Variants in RNF32 observed in about 807,000 individuals in gnomAD.
RNF32 encodes ring finger protein 32.
RNF32 carries 36 observed loss-of-function variants against 41.0 expected under a neutral mutation model. The ratio of observed to expected loss-of-function variants is 0.88; its 90% CI spans 0.67 to 1.16. The LOEUF (loss-of-function observed/expected upper bound fraction) is 1.16, where lower values mean the gene tolerates loss of function less well. Ranked by LOEUF, RNF32 falls within the 50% of genes most tolerant of loss-of-function variation. RNF32 has a pLI of 0.00. For missense variants in RNF32, 413 were observed against 436.7 expected (o/e 0.95, Z 0.48); for synonymous variants, 154 against 160.9 (o/e 0.96, Z 0.32).
At chr7:156,644,900 T>C (rs958572196) in intron 3 of RNF32, 143 bp downstream of exon 3, 3 of 809,022 alleles carry the variant, frequency 3.7e-6, no homozygotes, top group East Asian at 5.9e-5. Flanking sequence ...TATGTATGTA[T>C]TGAAGTTTAA....
chr7:156,653,880 G>C (rs1283127941), intron 3 of RNF32, among the ~76,000 whole-genome samples: 1 of 152,220 alleles, frequency 6.6e-6, no homozygotes, highest in Non-Finnish European at 1.5e-5. Context: ...AGGTGAGCTG[G>C]GAGAGGCAGT....
chr7:156,658,091 T>C (rs778711687), intron 5 of RNF32, 37 bp from the exon 6 acceptor site: 1 of 1,595,756 alleles, frequency 6.3e-7, no homozygotes, highest in East Asian at 2.2e-5. Flanking sequence ...TTATAAGTAA[T>C]TACTTGTAAA....
At chr7:156,646,343 G>C in intron 3 of RNF32, 1 of 1,104,378 alleles carries the variant, frequency 9.1e-7, no homozygotes, top group Non-Finnish European at 1.2e-6. Flanking sequence ...TTTCCCTGGT[G>C]GTTCCTGGCA....
intron 3 of RNF32, among the ~76,000 whole-genome samples, chr7:156,652,952 G>C (rs1798960657): frequency 6.6e-6 from 1 of 151,986 alleles, no homozygotes; most frequent in Admixed American, 6.6e-5. Flanking sequence ...AGTTTAGAGA[G>C]TAAAAAAGTT....
chr7:156,642,363 T>C (rs183432356), intron 1 of RNF32, among the ~76,000 whole-genome samples: 52 of 152,284 alleles, frequency 3.4e-4, no homozygotes, highest in African/African-American at 1.0e-3. Context: ...TTAAGAAATA[T>C]CATTACCCAA....
At chr7:156,671,488 A>G (rs527359738) in intron 7 of RNF32, among the ~76,000 whole-genome samples, 1 of 152,378 alleles carries the variant, frequency 6.6e-6, no homozygotes, top group East Asian at 1.9e-4. Context: ...ACGGCAGCAC[A>G]TATTTTCTTT....
rs1003956407 is a variant in RNF32 at position 156,669,552 on chromosome 7, C to T, written c.685-6144C>T. Among the ~76,000 whole-genome samples the T allele has an allele frequency of 6.6e-6, 1 of 152,136 alleles. No homozygotes were observed. Among genetic ancestry groups the T allele is most frequent in the Admixed American group, 6.5e-5 (1 of 15,276 alleles). On this transcript the variant is annotated intron_variant, in intron 7 of 8. Transcript: ENST00000317955. The surrounding 1 kb of genome is among the most constrained non-coding windows in gnomAD (Gnocchi z 4.2). ...AGTGTGAGCCGCTGGGCACAGGTGA[C>T]CCTTCCAGGACCCAGACCCCTGTGA... is the stretch of plus-strand genomic sequence containing the variant.
intron 7 of RNF32, chr7:156,659,390 G>A (rs946440539): frequency 5.6e-5 from 55 of 985,746 alleles, no homozygotes; most frequent in Non-Finnish European, 6.1e-5. Flanking sequence ...GAGATCATTC[G>A]TCTCGGGTGT....
chr7:156,664,724 T>C (rs1261658954), intron 7 of RNF32, among the ~76,000 whole-genome samples: 1 of 152,184 alleles, frequency 6.6e-6, no homozygotes, highest in Non-Finnish European at 1.5e-5. Flanking sequence ...ACGGACCCTA[T>C]CTTAGTAAAG....
Position 156,644,505 on chromosome 7 carries a change from T to A in RNF32, c.22T>A (p.Ser8Thr), listed in dbSNP as rs745837326. The change falls in exon 3 of 9, where the codon TCA (serine) becomes ACA (threonine). Residue 8 changes from serine (S) to threonine (T), a missense_variant. Coordinates refer to ENST00000317955, the MANE Select transcript of RNF32 (RefSeq NM_030936.4). ...CTTTTTTCCTACTTTTTAGGGTCACTCATCTAAGAAAGATAACTTGGCAGT... is the reference window on the plus strand; with the variant it reads ...CTTTTTTCCTACTTTTTAGGGTCACACATCTAAGAAAGATAACTTGGCAGT... MLKNKGHSSKKDNLAVNA... is the reference protein window; with the variant it reads MLKNKGHTSKKDNLAVNA... 2 of 1,608,712 alleles carry A rather than the reference T, an allele frequency of 1.2e-6. No individual in the cohort carries two copies. Among genetic ancestry groups the A allele is most frequent in the Non-Finnish European group, 1.7e-6 (2 of 1,177,556 alleles).
rs73503401 is a variant in RNF32, at chr7:156,653,476, G to A, written c.275-1100G>A. ...TTTCTCTTCCAGCCTTTCAGTGGACGTTCACATTTCTACTCTAAAAGCCCA... is the reference window on the plus strand; with the variant it reads ...TTTCTCTTCCAGCCTTTCAGTGGACATTCACATTTCTACTCTAAAAGCCCA... On this transcript the variant is annotated intron_variant, in intron 3 of 8. Coordinates refer to ENST00000317955, the MANE Select transcript of RNF32 (RefSeq NM_030936.4). Among the ~76,000 whole-genome samples, 452 of 152,284 alleles carry A rather than the reference G, an allele frequency of 3.0e-3. 3 individuals carry two copies. The highest frequency in any genetic ancestry group is 0.01 in the African/African-American group (434 of 41,546).
intron 3 of RNF32, among the ~76,000 whole-genome samples, chr7:156,647,218 A>G (rs190600344): frequency 1.3e-5 from 2 of 151,808 alleles, no homozygotes; most frequent in East Asian, 1.9e-4. Flanking sequence ...TTTTATTTCA[A>G]TAGCTTTTGT....
chr7:156,646,377 C>T (rs1797976020), intron 3 of RNF32: 1 of 1,289,134 alleles, frequency 7.8e-7, no homozygotes, highest in East Asian at 5.6e-5. Context: ...GGCAGCGTCA[C>T]TCCAATCTCT....
In RNF32 at chr7:156,658,809, C is replaced by T; in HGVS notation, c.684+239C>T. ...ATCATAAAATTAGGTTAAATCAAAGCAACTTCTGTTTGGCCATTTTGTGCT... is the reference window on the plus strand; with the variant it reads ...ATCATAAAATTAGGTTAAATCAAAGTAACTTCTGTTTGGCCATTTTGTGCT... On this transcript the variant is annotated intron_variant, in intron 7 of 8. Transcript: ENST00000317955. 6 of 1,168,472 alleles carry T rather than the reference C, an allele frequency of 5.1e-6. No homozygotes were observed. 72.4% of individuals were successfully genotyped at this position (1,168,472 alleles called of 1,614,324 possible).
chr7:156,649,393 TCTTTTTTTTCCCTG>T, intron 3 of RNF32, among the ~76,000 whole-genome samples: 1 of 152,096 alleles, frequency 6.6e-6, no homozygotes, highest in Non-Finnish European at 1.5e-5. Flanking sequence ...TTATGCCCCT[TCTTTTTTTTCCCTG>T]CTTTTTTTTT....
intron 7 of RNF32, among the ~76,000 whole-genome samples, chr7:156,675,288 G>A (rs557620656): frequency 6.6e-6 from 1 of 152,344 alleles, no homozygotes; most frequent in Admixed American, 6.5e-5. Context: ...CCTGTGTGCT[G>A]TCTCCTCCCG....
rs34819142 is a variant in RNF32 at position 156,676,479 on chromosome 7, G to A, written c.913G>A (p.Gly305Ser). 1,051 of 1,614,002 alleles carry A rather than the reference G, an allele frequency of 6.5e-4. 6 individuals are homozygous for A. Among genetic ancestry groups the A allele is most frequent in the African/African-American group, 5.8e-3 (437 of 75,042 alleles). The change falls in exon 9 of 9, where the codon GGT (glycine) becomes AGT (serine). Residue 305 changes from glycine (G) to serine (S), a missense_variant. Coordinates refer to ENST00000317955, the MANE Select transcript of RNF32 (RefSeq NM_030936.4). The stretch of plus-strand genomic sequence containing the variant: ...CCTGGCCCCTCTCTCCGCTGCTGGC[G>A]GTCAGCGCGTGGGTGCAGGCAGGCG... ...ICLAPLSAAG[G>S]QRVGAGRRSR...
intron 7 of RNF32, 61 bp downstream of exon 7, chr7:156,658,631 C>A: frequency 1.8e-6 from 2 of 1,115,006 alleles, no homozygotes; most frequent in Non-Finnish European, 2.7e-6. Flanking sequence ...CACTTGGGGT[C>A]AGGAAGGCTA....
intron 7 of RNF32, among the ~76,000 whole-genome samples, chr7:156,662,132 T>C (rs1372408819): frequency 6.6e-6 from 1 of 152,226 alleles, no homozygotes; most frequent in Non-Finnish European, 1.5e-5. Flanking sequence ...TAGGTGCCTA[T>C]ATGGGTCCAT....
Sources: gnomAD v4.1 joint callset for allele counts (sites outside exome capture counted in the v4.1 genomes callset) on GRCh38, gnomAD v4.1.1 for gene constraint, Gnocchi (gnomAD v3.1) non-coding constraint, MANE v1.5 for transcripts, NCBI Gene and HGNC (gene_info 2026-07-23, HGNC 2026-07-21) for gene names.